The following PAWR variants were observed in gnomAD, a reference collection of about 807,000 sequenced individuals.
PAWR encodes PRKC apoptosis WT1 regulator protein.
Under a neutral mutation model 32.0 loss-of-function variants are expected in PAWR, and 23 were observed. The ratio of observed to expected loss-of-function variants is 0.72; its 90% CI spans 0.52 to 1.02. The LOEUF is 1.02. Ranked by LOEUF, PAWR falls within the 50% of genes least tolerant of loss-of-function variation. The pLI is 0.00. For synonymous variants in PAWR, 226 were observed against 187.1 expected (o/e 1.21, Z -1.70); for missense variants, 457 against 437.7 (o/e 1.04, Z -0.39).
rs1291923735 is a variant in PAWR, at chr12:79,659,096, C to T, written c.516+30633G>A. Among the ~76,000 whole-genome samples the T allele has an allele frequency of 3.9e-5, 6 of 152,004 alleles. No homozygotes were observed. The East Asian group carries it at 1.2e-3, about 29-fold the overall frequency. Reference sequence around the variant, plus strand: ...GCGGATCACAAACTCAGGAGATCAACACCATCCTGGCTAACACGGTGAAAC... The same window carrying T: ...GCGGATCACAAACTCAGGAGATCAATACCATCCTGGCTAACACGGTGAAAC... On this transcript the variant is annotated intron_variant, in intron 2 of 6. Coordinates refer to ENST00000328827, the MANE Select transcript of PAWR (RefSeq NM_002583.4).
intron 2 of PAWR, among the ~76,000 whole-genome samples, chr12:79,621,464 A>T (rs1261266546): frequency 6.6e-6 from 1 of 152,198 alleles, no homozygotes; most frequent in Non-Finnish European, 1.5e-5. Context: ...GGTTTTCTTA[A>T]AGGAAAGGTT....
intron 2 of PAWR, among the ~76,000 whole-genome samples, chr12:79,667,124 T>C (rs1448378319): frequency 1.3e-5 from 2 of 152,336 alleles, no homozygotes; most frequent in East Asian, 1.9e-4. Context: ...TGGGCACATG[T>C]TGTCAGGACC....
intron 2 of PAWR, among the ~76,000 whole-genome samples, chr12:79,678,604 G>A (rs1417767719): frequency 1.3e-5 from 2 of 152,230 alleles, no homozygotes; most frequent in African/African-American, 4.8e-5. Flanking sequence ...CCTACCTCAT[G>A]AGTTAATGTG....
chr12:79,659,943 G>T (rs1444513964), intron 2 of PAWR, among the ~76,000 whole-genome samples: 2 of 152,122 alleles, frequency 1.3e-5, no homozygotes, highest in Admixed American at 1.3e-4. Context: ...TGGAAAAAAA[G>T]ATTTACTCTT....
chr12:79,611,939 T>A (rs1310324501), intron 4 of PAWR, among the ~76,000 whole-genome samples: 1 of 152,130 alleles, frequency 6.6e-6, no homozygotes, highest in East Asian at 1.9e-4. Flanking sequence ...AGAACACAAA[T>A]TTGAAAAGTG....
At chr12:79,623,617 T>C (rs1394030745) in intron 2 of PAWR, among the ~76,000 whole-genome samples, 3 of 140,808 alleles carry the variant, frequency 2.1e-5, no homozygotes, top group African/African-American at 6.5e-5. Flanking sequence ...AGTACGTGCA[T>C]GAAAAAAGCT....
chr12:79,602,469 C>A (rs1016396083), intron 4 of PAWR, among the ~76,000 whole-genome samples: 4 of 151,908 alleles, frequency 2.6e-5, no homozygotes, highest in Admixed American at 1.3e-4. Flanking sequence ...ATTGTAATCA[C>A]CTATGTAAGA....
At chr12:79,625,402 G>T (rs1875239797) in intron 2 of PAWR, among the ~76,000 whole-genome samples, 1 of 151,984 alleles carries the variant, frequency 6.6e-6, no homozygotes. Flanking sequence ...ACACACAGAT[G>T]CAAGCTCAAC....
chr12:79,638,578 A>G (rs1412353390), intron 2 of PAWR, among the ~76,000 whole-genome samples: 1 of 151,714 alleles, frequency 6.6e-6, no homozygotes. Flanking sequence ...TTTGTTGTGT[A>G]GTGAAGTTGG....
rs189326697 is a variant in PAWR at position 79,684,084 on chromosome 12, C to T, written c.516+5645G>A. 5.0e-4 allele frequency among the ~76,000 whole-genome samples: 76 copies of T among 151,870 alleles called. No individual in the cohort carries two copies. In the East Asian group the frequency reaches 9.7e-3, roughly 19 times the overall value. ...AATATAAAAGCACTTAAGAGCACACCGTGTGAATACTAAAAAACCACTGAA... is the reference window on the plus strand; with the variant it reads ...AATATAAAAGCACTTAAGAGCACACTGTGTGAATACTAAAAAACCACTGAA... On this transcript the variant is annotated intron_variant, in intron 2 of 6. Transcript: ENST00000328827.
chr12:79,653,657 T>C lies in PAWR; in HGVS notation c.517-32450A>G, dbSNP rs564911374. ...ACCACGCCAGGCTAATTTTGTACTT[T>C]TAGTAGAGACGGGGTTTCTCCATGT... On this transcript the variant is annotated intron_variant, in intron 2 of 6. Coordinates refer to ENST00000328827, the MANE Select transcript of PAWR (RefSeq NM_002583.4). Among the ~76,000 whole-genome samples, 17 of 152,196 alleles carry C rather than the reference T, an allele frequency of 1.1e-4. No homozygotes were observed. The South Asian group carries it at 3.5e-3, about 32-fold the overall frequency.
intron 2 of PAWR, among the ~76,000 whole-genome samples, chr12:79,664,113 G>T (rs1004938531): frequency 1.3e-5 from 2 of 152,024 alleles, no homozygotes; most frequent in Non-Finnish European, 2.9e-5. Context: ...TGAGAAATGT[G>T]GGATTATTTA....
chr12:79,621,406 C>T lies in PAWR; in HGVS notation c.517-199G>A, dbSNP rs8176869. 6.5e-3 allele frequency among the ~76,000 whole-genome samples: 992 copies of T among 152,300 alleles called. 12 individuals are homozygous for T. Among genetic ancestry groups the T allele is most frequent in the African/African-American group, 0.02 (813 of 41,558 alleles). ...CTTAAAACTTGTACTTCCATATCCACACCACTGCCAACAAATCTTTTCCCT... is the reference window on the plus strand; with the variant it reads ...CTTAAAACTTGTACTTCCATATCCATACCACTGCCAACAAATCTTTTCCCT... On this transcript the variant is annotated intron_variant, in intron 2 of 6. Coordinates refer to ENST00000328827, the MANE Select transcript of PAWR (RefSeq NM_002583.4).
At chr12:79,631,629 T>G (rs551125214) in intron 2 of PAWR, among the ~76,000 whole-genome samples, 1 of 152,156 alleles carries the variant, frequency 6.6e-6, no homozygotes, top group South Asian at 2.1e-4. Flanking sequence ...TAAGAAAAAT[T>G]TAAAAGACCT....
intron 2 of PAWR, among the ~76,000 whole-genome samples, chr12:79,644,284 C>T (rs1420976211): frequency 1.3e-5 from 2 of 152,134 alleles, no homozygotes; most frequent in Non-Finnish European, 2.9e-5. Context: ...AATTTTGTCT[C>T]AACTTTGACA....
In PAWR at chr12:79,594,387, A is replaced by G; in HGVS notation, c.878T>C (p.Met293Thr). 1 of 1,569,952 alleles carries G rather than the reference A, an allele frequency of 6.4e-7. No individual in the cohort carries two copies. The highest frequency in any genetic ancestry group is 1.7e-4 in the Middle Eastern group (1 of 5,982). ...TCCAATCATTTCCTCTTTATCTTGCATCAGTCTCACAAGTCTTAGGTTTTC... is the reference window on the plus strand; with the variant it reads ...TCCAATCATTTCCTCTTTATCTTGCGTCAGTCTCACAAGTCTTAGGTTTTC... ...RQENLRLVRL[M>T]QDKEEMIGKL... The change falls in exon 6 of 7, where the codon ATG becomes ACG. Residue 293 changes from methionine (M) to threonine (T), a missense_variant. By Grantham distance (81) the Met-to-Thr change is moderately conservative (BLOSUM62 -1). Transcript: ENST00000328827.
At chr12:79,649,490 T>A (rs1876739139) in intron 2 of PAWR, among the ~76,000 whole-genome samples, 1 of 152,022 alleles carries the variant, frequency 6.6e-6, no homozygotes, top group Non-Finnish European at 1.5e-5. Context: ...TAAATACCCA[T>A]CAATAAGGAA....
intron 2 of PAWR, among the ~76,000 whole-genome samples, chr12:79,628,363 G>T (rs893866773): frequency 1.3e-5 from 2 of 152,058 alleles, no homozygotes; most frequent in Non-Finnish European, 2.9e-5. Context: ...AAGCAGGAAA[G>T]ATCTAAAATT....
intron 2 of PAWR, among the ~76,000 whole-genome samples, chr12:79,660,308 C>T (rs1166352085): frequency 6.6e-6 from 1 of 152,060 alleles, no homozygotes; most frequent in Non-Finnish European, 1.5e-5. Context: ...CTCCTCCTTC[C>T]CCAATAAACT....
Sources: allele counts gnomAD v4.1 joint callset (sites outside exome capture counted in the v4.1 genomes callset), GRCh38; gene constraint gnomAD v4.1.1; transcripts MANE v1.5; gene names NCBI Gene and HGNC (gene_info 2026-07-23, HGNC 2026-07-21).